ASXL2: variants seen among roughly 807,000 people sequenced by gnomAD.
ASXL2 encodes the protein ASXL transcriptional regulator 2, also known as putative Polycomb group protein ASXL2.
ASXL2 carries 23 observed loss-of-function variants against 122.0 expected under a neutral mutation model. The observed-to-expected ratio is 0.19, with a 90% CI of 0.14 to 0.27. The LOEUF is 0.27. Ranked by LOEUF, ASXL2 falls within the 10% of genes least tolerant of loss-of-function variation. The pLI is 1.00. For missense variants in ASXL2, 1,518 were observed against 1,713.8 expected, an observed-to-expected ratio of 0.89 and a Z score of 2.02; for synonymous variants, 650 against 637.0, an observed-to-expected ratio of 1.02 and a Z score of -0.31.
chr2:25,775,903 T>A (rs541645503), intron 5 of ASXL2, among the ~76,000 whole-genome samples: 2 of 152,326 alleles, frequency 1.3e-5, no homozygotes, highest in South Asian at 4.1e-4. Flanking sequence ...TCATTCTCTA[T>A]CTTAAGACCA....
intron 8 of ASXL2, among the ~76,000 whole-genome samples, chr2:25,763,404 C>T (rs997061152): frequency 6.6e-6 from 1 of 151,796 alleles, no homozygotes; most frequent in Non-Finnish European, 1.5e-5. Flanking sequence ...GCAGGAGAAT[C>T]GCTTGAACCT....
At chr2:25,773,578 A>C (rs538710510) in intron 5 of ASXL2, among the ~76,000 whole-genome samples, 1 of 151,034 alleles carries the variant, frequency 6.6e-6, no homozygotes, top group East Asian at 2.0e-4. Flanking sequence ...AAGCAGGAGA[A>C]TGGCATGAAC....
At position 25,819,096 on chromosome 2, in the gene ASXL2, A is replaced by G. The variant is rs145933258; in HGVS notation, c.144-12759T>C. Among the ~76,000 whole-genome samples, 1,207 of 152,214 alleles carry G rather than the reference A, an allele frequency of 7.9e-3. 9 individuals carry two copies. Among genetic ancestry groups the G allele is most frequent in the Non-Finnish European group, 0.013 (899 of 68,006 alleles). On this transcript the variant is annotated intron_variant, in intron 3 of 12. Transcript: ENST00000435504. Reference sequence around the variant, plus strand: ...CCAGACCCTCAATCTGATAACCCACAAGGATTGAATCTTTCCAACAACCAC... The same window carrying G: ...CCAGACCCTCAATCTGATAACCCACGAGGATTGAATCTTTCCAACAACCAC...
At chr2:25,760,807 G>C (rs904096702) in intron 8 of ASXL2, among the ~76,000 whole-genome samples, 4 of 152,188 alleles carry the variant, frequency 2.6e-5, no homozygotes, top group African/African-American at 7.2e-5. Context: ...AGAAATAACA[G>C]ATGGAGACCT....
At chr2:25,860,306 C>T (rs931282984) in intron 1 of ASXL2, among the ~76,000 whole-genome samples, 6 of 147,988 alleles carry the variant, frequency 4.1e-5, no homozygotes, top group South Asian at 4.3e-4. Flanking sequence ...AGCGAAACTC[C>T]GCCTCAAAAA....
At position 25,739,360 on chromosome 2, in the gene ASXL2, TTGTAA is replaced by T. The variant is rs545733899; in HGVS notation, c.*2664_*2668del. 7.4e-5 allele frequency: 13 copies of T among 175,232 alleles called. No individual in the cohort carries two copies. In the East Asian group the frequency reaches 1.2e-3, roughly 16 times the overall value. The allele number at this position is 175,232 out of a possible 1,614,324, so 10.9% of individuals were successfully genotyped here. On this transcript the variant is annotated 3_prime_UTR_variant, in exon 13 of 13. Transcript: ENST00000435504. ...CTGCTTCATTTTCTAAAAGGCCAGA[TTGTAA>T]TGTGTTTTTTTTTTTTTTAATTTTT...
chr2:25,803,560 A>G (rs1029169109), intron 4 of ASXL2, among the ~76,000 whole-genome samples: 1 of 152,182 alleles, frequency 6.6e-6, no homozygotes, highest in African/African-American at 2.4e-5. Flanking sequence ...GTGGTCCCCA[A>G]CCTTTCTGCA....
At chr2:25,869,587 C>T (rs536378453) in intron 1 of ASXL2, among the ~76,000 whole-genome samples, 3 of 152,062 alleles carry the variant, frequency 2.0e-5, no homozygotes, top group East Asian at 3.9e-4. Context: ...TTTGGGAGGT[C>T]GAGGTGGTTG....
chr2:25,783,005 T>C lies in ASXL2; in HGVS notation c.404-11465A>G, dbSNP rs544789327. Among the ~76,000 whole-genome samples, 32 of 152,206 alleles carry C rather than the reference T, an allele frequency of 2.1e-4. 1 individual carries two copies. The highest frequency in any genetic ancestry group is 6.5e-4 in the African/African-American group (27 of 41,530). On this transcript the variant is annotated intron_variant, in intron 5 of 12. Transcript: ENST00000435504. ...TTAGCCGGGCATGGTGGTGCACACC[T>C]GTAATCCCAGCCACTCGGCAGGCTG...
At chr2:25,839,608 TTCTA>T (rs1406465291) in intron 2 of ASXL2, among the ~76,000 whole-genome samples, 192 of 144,418 alleles carry the variant, frequency 1.3e-3, no homozygotes, top group African/African-American at 4.7e-3. Context: ...CTATGGGAAA[TTCTA>T]TCTTTTTTTT....
In ASXL2 at chr2:25,742,389, C is replaced by T. The variant is rs537141280; in HGVS notation, c.3948G>A (p.Leu1316=). ...GCCCTATCTGGGTGGGGCTTCCATA[C>T]AACTTCGGGGTTTGCAGGGGTGGAA... is the stretch of plus-strand genomic sequence containing the variant. The part of the protein sequence containing the change: ...LLLPPLQTPK[L]YGSPTQIGPS... Residue 1316 remains leucine, a synonymous_variant, in exon 13 of 13, where the codon TTG becomes TTA. Transcript: ENST00000435504. The T allele has an allele frequency of 9.6e-6, 15 of 1,557,892 alleles. No individual in the cohort carries two copies. Among genetic ancestry groups the T allele is most frequent in the Admixed American group, 5.4e-5 (3 of 55,070 alleles).
chr2:25,828,824 C>CAAAAAAAAAAA (rs1031358836), intron 3 of ASXL2, among the ~76,000 whole-genome samples: 4 of 50,130 alleles, frequency 8.0e-5, no homozygotes, highest in East Asian at 7.5e-4. Flanking sequence ...GACTGTGTCT[C>CAAAAAAAAAAA]AAAAAAAAAA....
At chr2:25,824,478 T>TAC (rs140466165) in intron 3 of ASXL2, among the ~76,000 whole-genome samples, 8,852 of 148,684 alleles carry the variant, frequency 0.06, 383 homozygotes, top group African/African-American at 0.12. Context: ...AGTGTGCACG[T>TAC]ACACACACAC....
chr2:25,754,383 C>T (rs1375212678), intron 10 of ASXL2, among the ~76,000 whole-genome samples: 1 of 152,068 alleles, frequency 6.6e-6, no homozygotes, highest in African/African-American at 2.4e-5. Context: ...CCCAGGACAT[C>T]AAGGAATAAG....
At chr2:25,858,993 T>C (rs916253908) in intron 1 of ASXL2, among the ~76,000 whole-genome samples, 2 of 151,692 alleles carry the variant, frequency 1.3e-5, no homozygotes, top group African/African-American at 4.8e-5. Flanking sequence ...TTTGTATTTT[T>C]AGTAGAGACG....
At chr2:25,778,313 A>G (rs1253571836) in intron 5 of ASXL2, among the ~76,000 whole-genome samples, 2 of 152,228 alleles carry the variant, frequency 1.3e-5, no homozygotes, top group African/African-American at 2.4e-5. Context: ...TACAGATGAG[A>G]AGGCAATGTG....
chr2:25,867,847 C>T (rs1291090565), intron 1 of ASXL2, among the ~76,000 whole-genome samples: 2 of 152,216 alleles, frequency 1.3e-5, no homozygotes, highest in Admixed American at 6.5e-5. Context: ...CCTTGCCGAT[C>T]ATTCACTTGT....
intron 5 of ASXL2, among the ~76,000 whole-genome samples, chr2:25,785,156 T>C (rs1375789976): frequency 6.6e-6 from 1 of 152,202 alleles, no homozygotes; most frequent in Non-Finnish European, 1.5e-5. Context: ...AAAAGTAAAA[T>C]ATCCCTAAAA....
intron 2 of ASXL2, among the ~76,000 whole-genome samples, chr2:25,837,714 G>C (rs2089528101): frequency 6.6e-6 from 1 of 151,984 alleles, no homozygotes; most frequent in Non-Finnish European, 1.5e-5. Context: ...GCCAGGCATG[G>C]TGGTGTGTGC....
Sources: gnomAD v4.1 joint callset for allele counts (sites outside exome capture counted in the v4.1 genomes callset) on GRCh38, gnomAD v4.1.1 for gene constraint, MANE v1.5 for transcripts, NCBI Gene and HGNC (gene_info 2026-07-23, HGNC 2026-07-21) for gene names.